PPME1: variants seen among roughly 807,000 people sequenced by gnomAD.
PPME1 encodes the protein protein phosphatase methylesterase 1.
Under a neutral mutation model 56.9 loss-of-function variants are expected in PPME1, and 17 were observed. The observed-to-expected ratio is 0.30, with a 90% confidence interval of 0.20 to 0.45. The LOEUF is 0.45. PPME1 is among the 20% of genes least tolerant of loss of function. PPME1 has a pLI of 1.00. For synonymous variants in PPME1, 122 were observed against 156.2 expected (o/e 0.78, Z 1.63); for missense variants, 357 against 483.2 (o/e 0.74, Z 2.45).
intron 1 of PPME1, 87 bp downstream of exon 1, chr11:74,171,609 A>G (rs1857231444): frequency 6.9e-7 from 1 of 1,452,098 alleles, no homozygotes; most frequent in Admixed American, 2.4e-5. Context: ...GGCACGGGAA[A>G]GGAGTCTACT....
At chr11:74,178,661 C>G (rs1194244723) in intron 1 of PPME1, among the ~76,000 whole-genome samples, 1 of 152,134 alleles carries the variant, frequency 6.6e-6, no homozygotes, top group Admixed American at 6.5e-5. Flanking sequence ...CCACCCCCAA[C>G]TCCCCTGCCC....
chr11:74,239,637 C>T (rs1483280700), intron 9 of PPME1, among the ~76,000 whole-genome samples: 8 of 147,092 alleles, frequency 5.4e-5, no homozygotes, highest in South Asian at 2.1e-4. Context: ...AGTACAATGG[C>T]GCGATCTCGG....
intron 3 of PPME1, among the ~76,000 whole-genome samples, chr11:74,210,233 T>TA (rs1282510289): frequency 1.3e-5 from 2 of 152,188 alleles, no homozygotes; most frequent in African/African-American, 4.8e-5. Flanking sequence ...ATTCACCTCT[T>TA]ACCTCACTTG....
At chr11:74,222,076 T>C (rs1398954377) in intron 3 of PPME1, among the ~76,000 whole-genome samples, 3 of 152,144 alleles carry the variant, frequency 2.0e-5, no homozygotes, top group African/African-American at 4.8e-5. Context: ...AGAATTAAGA[T>C]TGAAAGAGGG....
At chr11:74,171,659 G>A (rs953318440) in intron 1 of PPME1, 137 bp downstream of exon 1, 1 of 1,172,336 alleles carries the variant, frequency 8.5e-7, no homozygotes, top group African/African-American at 1.5e-5. Context: ...TATTTAGATG[G>A]AGTAGAAGGC....
At chr11:74,207,574 G>GT (rs1272751944) in intron 3 of PPME1, among the ~76,000 whole-genome samples, 1 of 152,110 alleles carries the variant, frequency 6.6e-6, no homozygotes, top group Non-Finnish European at 1.5e-5. Flanking sequence ...TTTATTCCTT[G>GT]TTTATATTCA....
At chr11:74,190,713 A>G (rs1484689682) in intron 1 of PPME1, among the ~76,000 whole-genome samples, 1 of 152,228 alleles carries the variant, frequency 6.6e-6, no homozygotes, top group African/African-American at 2.4e-5. Flanking sequence ...AAGAGTTTGG[A>G]GGACTCAGAA....
intron 1 of PPME1, among the ~76,000 whole-genome samples, chr11:74,180,245 C>T (rs1034744712): frequency 6.6e-6 from 1 of 152,132 alleles, no homozygotes; most frequent in Non-Finnish European, 1.5e-5. Flanking sequence ...GCAGAACATT[C>T]TCTATTCTCC....
chr11:74,199,508 G>T (rs1858090354), intron 1 of PPME1, among the ~76,000 whole-genome samples: 1 of 152,054 alleles, frequency 6.6e-6, no homozygotes, highest in South Asian at 2.1e-4. Context: ...GTTTTGTCCA[G>T]GTTAGAGTAC....
At chr11:74,195,315 C>T (rs940756636) in intron 1 of PPME1, among the ~76,000 whole-genome samples, 1 of 152,124 alleles carries the variant, frequency 6.6e-6, no homozygotes, top group African/African-American at 2.4e-5. Context: ...ACCACTTGTG[C>T]ATGTATACAT....
intron 1 of PPME1, among the ~76,000 whole-genome samples, chr11:74,200,170 T>C (rs1858114581): frequency 6.6e-6 from 1 of 152,214 alleles, no homozygotes; most frequent in Non-Finnish European, 1.5e-5. Flanking sequence ...CTATAAAGTA[T>C]CTAGGCATAA....
chr11:74,251,419 C>T, intron 12 of PPME1: 5 of 1,393,958 alleles, frequency 3.6e-6, no homozygotes, highest in Middle Eastern at 2.7e-4. Flanking sequence ...CACATAAGCC[C>T]TTCACGTCAT....
rs1857212296 is a variant in PPME1 at position 74,171,366 on chromosome 11, C to A, written c.-56C>A. On this transcript the variant is annotated 5_prime_UTR_variant, in exon 1 of 14. Coordinates refer to ENST00000328257, the MANE Select transcript of PPME1 (RefSeq NM_016147.3). ...GAGTCGTGACCGGTTGGGCCACACT[C>A]AACGTGGGACGAAGCTTCGCCTACT... 5.1e-6 allele frequency: 8 copies of A among 1,556,146 alleles called. No individual in the cohort carries two copies.
At chr11:74,184,850 C>G (rs1284851200) in intron 1 of PPME1, among the ~76,000 whole-genome samples, 1 of 152,090 alleles carries the variant, frequency 6.6e-6, no homozygotes, top group African/African-American at 2.4e-5. Context: ...ATATCAGGGC[C>G]TGCCATGCAG....
chr11:74,208,578 A>C (rs1858391324), intron 3 of PPME1, among the ~76,000 whole-genome samples: 1 of 152,234 alleles, frequency 6.6e-6, no homozygotes, highest in African/African-American at 2.4e-5. Context: ...AAAGCAGCTT[A>C]ATTTATCTGA....
At chr11:74,209,910 C>T (rs1452518060) in intron 3 of PPME1, among the ~76,000 whole-genome samples, 1 of 152,056 alleles carries the variant, frequency 6.6e-6, no homozygotes. Flanking sequence ...AAAATAGATA[C>T]AGAAGTGGGG....
intron 1 of PPME1, among the ~76,000 whole-genome samples, chr11:74,185,590 G>A (rs1415883414): frequency 6.8e-6 from 1 of 146,882 alleles, no homozygotes; most frequent in Non-Finnish European, 1.5e-5. Flanking sequence ...CATTAATGGT[G>A]TTTCAGTGGC....
At position 74,253,546 on chromosome 11, in the gene PPME1, T is replaced by C; in HGVS notation, c.*36T>C. The C allele has an allele frequency of 6.3e-7, 1 of 1,581,742 alleles. No homozygotes were observed. Among genetic ancestry groups the C allele is most frequent in the South Asian group, 1.1e-5 (1 of 90,378 alleles). On this transcript the variant is annotated 3_prime_UTR_variant, in exon 14 of 14. Coordinates refer to ENST00000328257, the MANE Select transcript of PPME1 (RefSeq NM_016147.3). ...TCCACCCCTCCTCAACATCGAGCTC[T>C]GTTGTAAATACGTCGCACCAGAGGC...
rs1858275849 is a variant in PPME1 at position 74,204,558 on chromosome 11, C to T, written c.288+113C>T. ...TATTTGGGAAGCAGGAATTGCTATT[C>T]CAGGCATACACACAGACTGGGTGGT... On this transcript the variant is annotated intron_variant, in intron 3 of 13. Transcript: ENST00000328257. 4 of 851,838 alleles carry T rather than the reference C, an allele frequency of 4.7e-6. No homozygotes were observed. In the South Asian group the frequency reaches 6.4e-5, roughly 14 times the overall value. The allele number at this position is 851,838 out of a possible 1,614,324, so 52.8% of individuals were successfully genotyped here.
Sources: allele counts gnomAD v4.1 joint callset (sites outside exome capture counted in the v4.1 genomes callset), GRCh38; gene constraint gnomAD v4.1.1; transcripts MANE v1.5; gene names NCBI Gene and HGNC (gene_info 2026-07-23, HGNC 2026-07-21).